UGT1A4: variants seen among roughly 807,000 people sequenced by gnomAD.
The protein encoded by UGT1A4 is UDP-glucuronosyltransferase 1A4.
A neutral mutation model predicts 41.1 loss-of-function variants in UGT1A4; 32 were observed. The ratio of observed to expected loss-of-function variants is 0.78; its 90% confidence interval spans 0.59 to 1.05. The LOEUF (loss-of-function observed/expected upper bound fraction) is 1.05. Ranked by LOEUF, UGT1A4 falls within the 50% of genes least tolerant of loss-of-function variation. The pLI, the probability that UGT1A4 is intolerant of heterozygous loss-of-function variation, is 0.00. For synonymous variants in UGT1A4, 283 were observed against 265.1 expected (o/e 1.07, Z -0.66); for missense variants, 748 against 677.4 (o/e 1.10, Z -1.16).
At chr2:233,728,043 T>A (rs116287140) in intron 1 of UGT1A4, among the ~76,000 whole-genome samples, 14 of 152,218 alleles carry the variant, frequency 9.2e-5, no homozygotes, top group African/African-American at 3.1e-4. Context: ...AGGATAAGCC[T>A]CATTGGGCTT....
chr2:233,767,793 GT>G, intron 2 of UGT1A4, 55 bp from the exon 3 acceptor site: 2 of 1,613,932 alleles, frequency 1.2e-6, no homozygotes, highest in Non-Finnish European at 1.7e-6. Context: ...TAGCAGATTT[GT>G]TTTCTAATCA....
chr2:233,748,006 A>T, intron 1 of UGT1A4: 1 of 1,613,448 alleles, frequency 6.2e-7, no homozygotes, highest in African/African-American at 1.3e-5. Context: ...GTGATGGATT[A>T]CCCCAGGCCG....
intron 1 of UGT1A4, among the ~76,000 whole-genome samples, chr2:233,762,329 A>G (rs1333390558): frequency 6.6e-6 from 1 of 152,248 alleles, no homozygotes; most frequent in Non-Finnish European, 1.5e-5. Flanking sequence ...GTAATCCACA[A>G]TAGCTCTTTT....
chr2:233,755,177 G>A (rs1258738102), intron 1 of UGT1A4: 6 of 1,239,024 alleles, frequency 4.8e-6, no homozygotes, highest in Non-Finnish European at 6.6e-6. Flanking sequence ...TTTTGTCGGG[G>A]TGCCACTTGA....
intron 1 of UGT1A4, among the ~76,000 whole-genome samples, chr2:233,757,535 A>AATATATATACATATATAT (rs376887521): frequency 1.2e-3 from 108 of 88,048 alleles, no homozygotes; most frequent in Non-Finnish European, 1.7e-3. Context: ...GCCTGTAAGG[A>AATATATATACATATATAT]ATATATATAT....
At chr2:233,724,141 C>A in intron 1 of UGT1A4, among the ~76,000 whole-genome samples, 1 of 115,194 alleles carries the variant, frequency 8.7e-6, no homozygotes, top group African/African-American at 4.0e-5. Context: ...CCGGACGGGG[C>A]GGCTGGCCGG....
Position 233,719,112 on chromosome 2 carries a change from C to T in UGT1A4, c.292C>T (p.Gln98Ter), listed in dbSNP as rs201323245. Residue 98 changes from glutamine to a stop codon, truncating the protein, a stop_gained, in exon 1 of 5, where the codon CAA becomes TAA. Transcript: ENST00000373409. LOFTEE classifies it high-confidence loss of function. ...EFDRVTLGYT[Q>*]GFFETEHLLK... ...TGATCGCGTTACGCTGGGCTACACT[C>T]AAGGGTTCTTTGAAACAGAACATCT... 6.5e-5 allele frequency: 105 copies of T among 1,614,240 alleles called. 2 individuals are homozygous for T. The East Asian group carries it at 1.8e-3, about 28-fold the overall frequency.
intron 1 of UGT1A4, among the ~76,000 whole-genome samples, chr2:233,764,866 A>AAAAGGGAGG (rs45477695): frequency 0.13 from 19,804 of 152,100 alleles, 1,413 homozygotes; most frequent in East Asian, 0.2. Context: ...CTTTTAGATG[A>AAAAGGGAGG]GCCCAAGGGA....
intron 1 of UGT1A4, among the ~76,000 whole-genome samples, chr2:233,739,350 G>A (rs1691066306): frequency 6.6e-6 from 1 of 152,146 alleles, no homozygotes; most frequent in South Asian, 2.1e-4. Flanking sequence ...ACCCAGAAGG[G>A]CAGATCCAAT....
At chr2:233,757,535 A>AATATATATACATATACATACATATATAT (rs376887521) in intron 1 of UGT1A4, among the ~76,000 whole-genome samples, 2 of 88,312 alleles carry the variant, frequency 2.3e-5, no homozygotes, top group African/African-American at 1.0e-4. Context: ...GCCTGTAAGG[A>AATATATATACATATACATACATATATAT]ATATATATAT....
At chr2:233,755,221 C>T (rs1695818847) in intron 1 of UGT1A4, 1 of 995,834 alleles carries the variant, frequency 1.0e-6, no homozygotes. Context: ...TTGATACCCT[C>T]GGACGAGGCC....
chr2:233,736,738 C>T (rs1478066548), intron 1 of UGT1A4, among the ~76,000 whole-genome samples: 1 of 152,114 alleles, frequency 6.6e-6, no homozygotes, highest in Non-Finnish European at 1.5e-5. Flanking sequence ...TATGCTGTTC[C>T]TTTCTGTTTG....
In UGT1A4 at chr2:233,724,875, G is replaced by T. The variant is rs4622712; in HGVS notation, c.867+5188G>T. Among the ~76,000 whole-genome samples, 5 of 115,660 alleles carry T rather than the reference G, an allele frequency of 4.3e-5. 1 individual carries two copies. The highest frequency in any genetic ancestry group is 3.3e-4 in the South Asian group (1 of 3,000). The allele number at this position is 115,660 out of a possible 152,430, so 75.9% of individuals were successfully genotyped here. The stretch of plus-strand genomic sequence containing the variant: ...CTGGGAGGTGTAGGTTGTAGTGAGC[G>T]GAGATCACGCCACTGCACTCCAGCC... On this transcript the variant is annotated intron_variant, in intron 1 of 4. Coordinates refer to ENST00000373409, the MANE Select transcript of UGT1A4 (RefSeq NM_007120.3).
Position 233,767,174 on chromosome 2 carries a change from A to G in UGT1A4, c.999+9A>G. 1.2e-6 allele frequency: 2 copies of G among 1,614,054 alleles called. No homozygotes were observed. Among genetic ancestry groups the G allele is most frequent in the Non-Finnish European group, 1.7e-6 (2 of 1,180,004 alleles). ...GCAAAATCCCTCAGACAGTAAGAAG[A>G]TTCTATACCATGGCCTCATATCTAT... is the stretch of plus-strand genomic sequence containing the variant. On this transcript the variant is annotated intron_variant, in intron 2 of 4. Transcript: ENST00000373409.
chr2:233,721,696 T>C (rs1281841318), intron 1 of UGT1A4: 6 of 355,902 alleles, frequency 1.7e-5, no homozygotes, highest in Non-Finnish European at 2.8e-5. Flanking sequence ...GCAAGACGCA[T>C]GGCTCATCTT....
At chr2:233,734,492 T>A (rs983580734) in intron 1 of UGT1A4, among the ~76,000 whole-genome samples, 3 of 151,188 alleles carry the variant, frequency 2.0e-5, no homozygotes, top group Non-Finnish European at 4.5e-5. Flanking sequence ...TTTTTGAAGG[T>A]TTTTTTGTGT....
intron 1 of UGT1A4, among the ~76,000 whole-genome samples, chr2:233,766,257 A>G (rs1699081687): frequency 1.3e-5 from 2 of 151,512 alleles, no homozygotes; most frequent in African/African-American, 2.4e-5. Context: ...CAGACCGCTC[A>G]GTGGCCCGGG....
chr2:233,719,222 T>G lies in UGT1A4; in HGVS notation c.402T>G (p.Asn134Lys). Reference protein sequence around the residue: ...LHRCCVELLHNEALIRHLNAT... With the variant: ...LHRCCVELLHKEALIRHLNAT... ...GGTGTTGTGTGGAGCTACTGCATAA[T>G]GAGGCCCTGATCAGGCACCTGAATG... is the stretch of plus-strand genomic sequence containing the variant. Residue 134 changes from asparagine to lysine, a missense_variant, in exon 1 of 5, where the codon AAT becomes AAG. Asn to Lys is a moderately conservative substitution (Grantham distance 94). Transcript: ENST00000373409. 6.2e-7 allele frequency: 1 copy of G among 1,614,238 alleles called. No individual in the cohort carries two copies. Among genetic ancestry groups the G allele is most frequent in the Non-Finnish European group, 8.5e-7 (1 of 1,180,036 alleles).
At chr2:233,745,561 A>G (rs1490728592) in intron 1 of UGT1A4, among the ~76,000 whole-genome samples, 1 of 151,724 alleles carries the variant, frequency 6.6e-6, no homozygotes, top group Admixed American at 6.6e-5. Context: ...CTAAGTTTAT[A>G]TAGCCTCTAG....
Sources: gnomAD v4.1 joint callset for allele counts (sites outside exome capture counted in the v4.1 genomes callset) on GRCh38, gnomAD v4.1.1 for gene constraint, MANE v1.5 for transcripts, NCBI Gene and HGNC (gene_info 2026-07-23, HGNC 2026-07-21) for gene names.